UPF3B: variants seen among roughly 807,000 people sequenced by gnomAD.
UPF3B encodes the protein UPF3B regulator of nonsense mediated mRNA decay.
UPF3B carries 7 observed loss-of-function variants against 40.3 expected under a neutral mutation model. That is an observed-to-expected ratio of 0.17 (90% CI 0.10 to 0.33). The LOEUF (loss-of-function observed/expected upper bound fraction) is 0.33, where lower values mean the gene tolerates loss of function less well. UPF3B is among the 10% of genes least tolerant of loss of function. The pLI, the probability that UPF3B is intolerant of heterozygous loss-of-function variation, is 1.00. For synonymous variants in UPF3B, 117 were observed against 117.3 expected (o/e 1.00, Z 0.01); for missense variants, 229 against 358.9 (o/e 0.64, Z 2.93).
At chrX:119,846,766 A>G (rs1603371816) in intron 3 of UPF3B, among the ~76,000 whole-genome samples, 1 of 111,585 alleles carries the variant, frequency 9.0e-6, no homozygotes. Context: ...AAAGTAAAAA[A>G]TAGATAAATT....
At chrX:119,828,096 CAGACT>C (rs1233249753) in intron 3 of UPF3B, among the ~76,000 whole-genome samples, 1 of 109,106 alleles carries the variant, frequency 9.2e-6, no homozygotes, top group African/African-American at 3.3e-5. Context: ...CTCTGTTGCC[CAGACT>C]AGAGTGCAGT....
intron 10 of UPF3B, among the ~76,000 whole-genome samples, chrX:119,836,618 T>C (rs1367248531): frequency 9.2e-6 from 1 of 108,819 alleles, no homozygotes; most frequent in Admixed American, 9.9e-5. Flanking sequence ...TGCTGGGTGA[T>C]GGGTACAGTA....
intron 3 of UPF3B, among the ~76,000 whole-genome samples, chrX:119,827,102 T>C (rs2055986546): frequency 8.9e-6 from 1 of 111,834 alleles, no homozygotes; most frequent in African/African-American, 3.2e-5. Context: ...ACAAGAGCAA[T>C]TTTGAGAGTT....
At chrX:119,846,006 A>AATGTATATATGTATACAAT (rs1569463029) in intron 3 of UPF3B, among the ~76,000 whole-genome samples, 42 of 110,495 alleles carry the variant, frequency 3.8e-4, no homozygotes, top group African/African-American at 1.2e-3. Flanking sequence ...TACATTTCAT[A>AATGTATATATGTATACAAT]ATGTATACAT....
rs1050467032 is a variant in UPF3B, at chrX:119,834,632, C to T, written c.*246G>A. ...TGCAAATTGCAATGCATGTCCTTGC[C>T]GTCACCTTTTTCTGACACTTTAAAA... On this transcript the variant is annotated 3_prime_UTR_variant, in exon 11 of 11. Transcript: ENST00000276201. 16 of 1,048,055 alleles carry T rather than the reference C, an allele frequency of 1.5e-5. No homozygotes were observed. The highest frequency in any genetic ancestry group is 3.6e-5 in the East Asian group (1 of 27,456). The allele number at this position is 1,048,055 out of a possible 1,213,427, so 86.4% of individuals were successfully genotyped here. A position where few individuals can be genotyped will look rare whatever the true frequency, so the allele number is the denominator to read the frequency against.
chrX:119,826,054 G>A (rs1387407638), intron 3 of UPF3B, among the ~76,000 whole-genome samples: 5 of 111,861 alleles, frequency 4.5e-5, no homozygotes, highest in South Asian at 3.7e-4. Context: ...CCAGCTACTC[G>A]GGAGGCTGAG....
At chrX:119,832,880 T>G (rs1373477019), downstream of UPF3B, among the ~76,000 whole-genome samples, 3 of 111,977 alleles carry the variant, frequency 2.7e-5, no homozygotes, top group African/African-American at 9.7e-5. Context: ...CTTAATTTTA[T>G]AATCAAAGCT....
At chrX:119,838,953 T>G (rs1296339846) in intron 8 of UPF3B, among the ~76,000 whole-genome samples, 2 of 111,087 alleles carry the variant, frequency 1.8e-5, no homozygotes, top group African/African-American at 6.6e-5. Flanking sequence ...TTTTTTAATT[T>G]TTTTGTAGAG....
rs1456588189 is a variant in UPF3B at position 119,851,808 on chromosome X, C to T, written c.222G>A (p.Met74Ile). The T allele has an allele frequency of 1.8e-6, 2 of 1,093,402 alleles. No homozygotes were observed. Among genetic ancestry groups the T allele is most frequent in the South Asian group, 3.7e-5 (2 of 53,827 alleles). The allele number at this position is 1,093,402 out of a possible 1,213,427, so 90.1% of individuals were successfully genotyped here. The stretch of plus-strand genomic sequence containing the variant: ...AAAACTCAAAATAATCATGCTCAGG[C>T]ATAGGTTGAAGATGTTCCTGAAGCT... ...KEQLQEHLQPMPEHDYFEFFS... is the reference protein window; with the variant it reads ...KEQLQEHLQPIPEHDYFEFFS... Residue 74 changes from methionine (M) to isoleucine (I), a missense_variant, in exon 2 of 11, where the codon ATG becomes ATA. Met to Ile is a conservative substitution (Grantham distance 10). This residue lies in a region of UPF3B where 87 missense variants were observed against 184.2 expected (regional missense o/e 0.47). Transcript: ENST00000276201.
intron 3 of UPF3B, among the ~76,000 whole-genome samples, chrX:119,826,977 T>G (rs1042941890): frequency 1.4e-4 from 16 of 112,154 alleles, no homozygotes; most frequent in African/African-American, 5.2e-4. Context: ...CATCTGCTTA[T>G]TATGAGAGTG....
intron 4 of UPF3B, among the ~76,000 whole-genome samples, chrX:119,820,803 C>T (rs1019757197): frequency 9.0e-6 from 1 of 111,248 alleles, no homozygotes; most frequent in Admixed American, 9.6e-5. Flanking sequence ...AAGCTGGACA[C>T]GGTGGCTCAT....
rs150849831 is a variant in UPF3B, at chrX:119,812,520, T to C, written c.602+2680A>G. Among the ~76,000 whole-genome samples the C allele has an allele frequency of 7.0e-3, 778 of 111,641 alleles. 4 individuals carry two copies. The highest frequency in any genetic ancestry group is 0.023 in the Middle Eastern group (5 of 215). On this transcript the variant is annotated intron_variant, in intron 5 of 6. Coordinates refer to the UPF3B transcript ENST00000636792. ...CCATGGCTTTTGTCAGGCATCATAATTGACCATTCAGCGGCATCCAACCCT... is the reference window on the plus strand; with the variant it reads ...CCATGGCTTTTGTCAGGCATCATAACTGACCATTCAGCGGCATCCAACCCT...
intron 8 of UPF3B, among the ~76,000 whole-genome samples, chrX:119,839,988 C>G (rs1003792968): frequency 2.7e-5 from 3 of 111,194 alleles, no homozygotes; most frequent in African/African-American, 9.8e-5. Flanking sequence ...CCCTCATCAT[C>G]AGTAATGAGC....
rs951661124 is a variant in UPF3B at position 119,824,193 on chromosome X, G to C, written c.393-1150C>G. On this transcript the variant is annotated intron_variant, in intron 3 of 6. Coordinates refer to the UPF3B transcript ENST00000636792. ...TTCTCCAGCGACACTTGCAGCTTAG[G>C]GGCAAGAGGCTCCCACAACACCCTG... 5.2e-5 allele frequency among the ~76,000 whole-genome samples: 5 copies of C among 96,139 alleles called. 1 individual carries two copies. The highest frequency in any genetic ancestry group is 2.3e-4 in the Admixed American group (2 of 8,516). The allele number at this position is 96,139 out of a possible 115,157, so 83.5% of individuals were successfully genotyped here.
chrX:119,846,006 A>AATGTATATATGTATACATT (rs1569463029), intron 3 of UPF3B, among the ~76,000 whole-genome samples: 2 of 110,507 alleles, frequency 1.8e-5, no homozygotes, highest in African/African-American at 3.3e-5. Context: ...TACATTTCAT[A>AATGTATATATGTATACATT]ATGTATACAT....
At chrX:119,836,082 C>T (rs750763425) in intron 10 of UPF3B, among the ~76,000 whole-genome samples, 1 of 112,062 alleles carries the variant, frequency 8.9e-6, no homozygotes. Flanking sequence ...AGGCTGGGCA[C>T]GGTGGCTCAT....
At chrX:119,819,512 A>G (rs1036375220) in intron 4 of UPF3B, among the ~76,000 whole-genome samples, 2 of 111,887 alleles carry the variant, frequency 1.8e-5, no homozygotes, top group Non-Finnish European at 3.8e-5. Context: ...GGAAACCATT[A>G]GGCATCCACC....
chrX:119,848,394 C>T (rs1162012347), intron 3 of UPF3B, among the ~76,000 whole-genome samples: 5 of 109,992 alleles, frequency 4.5e-5, no homozygotes, highest in African/African-American at 1.7e-4. Flanking sequence ...TGTATGTTTC[C>T]ACCTATATGT....
At chrX:119,836,254 C>T (rs1305605702) in intron 10 of UPF3B, among the ~76,000 whole-genome samples, 1 of 110,700 alleles carries the variant, frequency 9.0e-6, no homozygotes, top group Non-Finnish European at 1.9e-5. Context: ...ATTCGGGAGG[C>T]TGAGGCAGGA....
Sources: gnomAD v4.1 joint callset for allele counts (sites outside exome capture counted in the v4.1 genomes callset) on GRCh38, gnomAD v4.1.1 for gene constraint, gnomAD v4.1.1 regional missense constraint, MANE v1.5 for transcripts, NCBI Gene and HGNC (gene_info 2026-07-23, HGNC 2026-07-21) for gene names.